ADARB2: variants seen among roughly 807,000 people sequenced by gnomAD.
ADARB2 encodes adenosine deaminase RNA specific B2 (inactive), also known as inactive double-stranded RNA-specific editase B2.
ADARB2 carries 25 observed loss-of-function variants against 62.2 expected under a neutral mutation model. The ratio of observed to expected loss-of-function variants is 0.40; its 90% CI spans 0.29 to 0.56. The LOEUF is 0.56. Among genes scored for constraint, ADARB2 ranks in the 20% least tolerant of loss-of-function variants. ADARB2 has a pLI of 0.43. For synonymous variants in ADARB2, 572 were observed against 500.8 expected, an observed-to-expected ratio of 1.14 and a Z score of -1.90; for missense variants, 1,071 against 1,077.4, an observed-to-expected ratio of 0.99 and a Z score of 0.08.
At chr10:1,694,581 G>C (rs949755752) in intron 1 of ADARB2, among the ~76,000 whole-genome samples, 5 of 152,130 alleles carry the variant, frequency 3.3e-5, no homozygotes, top group African/African-American at 7.2e-5. Context: ...CCCATTCAGG[G>C]GAATGGTGGG....
chr10:1,722,777 T>C (rs1449622690), intron 1 of ADARB2, among the ~76,000 whole-genome samples: 2 of 152,218 alleles, frequency 1.3e-5, no homozygotes, highest in South Asian at 2.1e-4. Context: ...ATTATATAGA[T>C]ATCTGAAAAA....
intron 1 of ADARB2, among the ~76,000 whole-genome samples, chr10:1,395,672 G>A (rs1306049388): frequency 6.6e-6 from 1 of 152,156 alleles, no homozygotes; most frequent in Non-Finnish European, 1.5e-5. Flanking sequence ...TCATCCCTGC[G>A]ACGCAGACCA....
intron 1 of ADARB2, among the ~76,000 whole-genome samples, chr10:1,635,950 A>G (rs902256180): frequency 7.9e-5 from 12 of 152,016 alleles, no homozygotes; most frequent in African/African-American, 2.9e-4. Flanking sequence ...CAAACTAACA[A>G]AGAAACGAAG....
intron 1 of ADARB2, among the ~76,000 whole-genome samples, chr10:1,544,985 A>ACACACACACACAC (rs10523350): frequency 6.6e-6 from 1 of 151,750 alleles, no homozygotes; most frequent in African/African-American, 2.4e-5. Context: ...ACACACACAC[A>ACACACACACACAC]ATGTCCCTTG....
At chr10:1,693,189 G>A (rs750107553) in intron 1 of ADARB2, among the ~76,000 whole-genome samples, 1 of 152,200 alleles carries the variant, frequency 6.6e-6, no homozygotes, top group African/African-American at 2.4e-5. Flanking sequence ...GGGCTCCGGG[G>A]AGAGTAAAAG....
At chr10:1,641,080 A>G (rs562422781) in intron 1 of ADARB2, among the ~76,000 whole-genome samples, 1 of 152,368 alleles carries the variant, frequency 6.6e-6, no homozygotes, top group Non-Finnish European at 1.5e-5. Flanking sequence ...AGCTAAATCT[A>G]AAAAACATTT....
intron 8 of ADARB2, among the ~76,000 whole-genome samples, chr10:1,189,529 T>C (rs1202222513): frequency 1.3e-5 from 2 of 152,102 alleles, no homozygotes; most frequent in African/African-American, 2.4e-5. Context: ...TTAACTCCTG[T>C]GGCTGGAAAT....
intron 2 of ADARB2, among the ~76,000 whole-genome samples, chr10:1,371,784 TAA>T (rs71379114): frequency 0.031 from 3,929 of 125,784 alleles, 101 homozygotes; most frequent in East Asian, 0.12. Context: ...TATTAAAAAG[TAA>T]AAAAAAAAAA....
intron 3 of ADARB2, among the ~76,000 whole-genome samples, chr10:1,275,369 G>A (rs1831305340): frequency 6.6e-6 from 1 of 152,202 alleles, no homozygotes; most frequent in African/African-American, 2.4e-5. Context: ...TGACAGCCAG[G>A]AGGCCATGGC....
At chr10:1,603,256 C>T (rs1032503658) in intron 1 of ADARB2, among the ~76,000 whole-genome samples, 1 of 152,202 alleles carries the variant, frequency 6.6e-6, no homozygotes, top group South Asian at 2.1e-4. Context: ...GTAGGCAGCA[C>T]CCCCGGATGA....
At chr10:1,384,953 C>T (rs1043441252) in intron 1 of ADARB2, among the ~76,000 whole-genome samples, 2 of 152,138 alleles carry the variant, frequency 1.3e-5, no homozygotes, top group South Asian at 4.2e-4. Context: ...CAGGCGGAGT[C>T]ATAGATCACT....
chr10:1,630,430 C>T (rs939068080), intron 1 of ADARB2, among the ~76,000 whole-genome samples: 54 of 152,172 alleles, frequency 3.5e-4, no homozygotes, highest in Middle Eastern at 3.4e-3. Context: ...AGGGAGGGGG[C>T]GGAGGAAAGT....
At position 1,379,178 on chromosome 10, in the gene ADARB2, G is replaced by A; in HGVS notation, c.101-18C>T. Reference sequence around the variant, plus strand: ...TACTTTATCTGGAAAGAAAAGAACAGGAAATGCACTTTTGACATGGAGTTG... The same window carrying A: ...TACTTTATCTGGAAAGAAAAGAACAAGAAATGCACTTTTGACATGGAGTTG... On this transcript the variant is annotated intron_variant, in intron 1 of 9. Coordinates refer to ENST00000381312, the MANE Select transcript of ADARB2 (RefSeq NM_018702.4). 2.5e-6 allele frequency: 4 copies of A among 1,583,492 alleles called. No individual in the cohort carries two copies. The highest frequency in any genetic ancestry group is 3.5e-6 in the Non-Finnish European group (4 of 1,152,524).
At chr10:1,651,064 C>T (rs1490305348) in intron 1 of ADARB2, among the ~76,000 whole-genome samples, 2 of 152,212 alleles carry the variant, frequency 1.3e-5, no homozygotes, top group Non-Finnish European at 2.9e-5. Flanking sequence ...CCGCTCTCCC[C>T]TCGTGAGACA....
chr10:1,260,739 A>G (rs1199349461), intron 4 of ADARB2, among the ~76,000 whole-genome samples: 3 of 143,662 alleles, frequency 2.1e-5, no homozygotes, highest in African/African-American at 7.8e-5. Context: ...AAGGTAATTT[A>G]CAGATTCAAT....
At chr10:1,730,573 C>T (rs1835217706) in intron 1 of ADARB2, among the ~76,000 whole-genome samples, 10 of 152,026 alleles carry the variant, frequency 6.6e-5, no homozygotes, top group Admixed American at 6.6e-4. Flanking sequence ...AAAATTTCAC[C>T]TCTTAGAGAG....
intron 3 of ADARB2, among the ~76,000 whole-genome samples, chr10:1,356,417 C>A (rs1689451565): frequency 6.6e-6 from 1 of 152,198 alleles, no homozygotes; most frequent in African/African-American, 2.4e-5. Flanking sequence ...GAGGGCTTCA[C>A]AGAGAACAGA....
chr10:1,707,948 C>T (rs1184972155), intron 1 of ADARB2, among the ~76,000 whole-genome samples: 1 of 152,146 alleles, frequency 6.6e-6, no homozygotes, highest in Non-Finnish European at 1.5e-5. Flanking sequence ...CATTTTTTCT[C>T]ATCATGAAAA....
chr10:1,354,409 C>T (rs963891973), intron 3 of ADARB2, among the ~76,000 whole-genome samples: 1 of 152,072 alleles, frequency 6.6e-6, no homozygotes, highest in African/African-American at 2.4e-5. Flanking sequence ...GAGAACAGCC[C>T]CCCTTTTTCC....
Sources: gnomAD v4.1 joint callset for allele counts (sites outside exome capture counted in the v4.1 genomes callset) on GRCh38, gnomAD v4.1.1 for gene constraint, MANE v1.5 for transcripts, NCBI Gene and HGNC (gene_info 2026-07-23, HGNC 2026-07-21) for gene names.